VASP: variants seen among roughly 807,000 people sequenced by gnomAD.
The protein encoded by VASP is vasodilator-stimulated phosphoprotein.
A neutral mutation model predicts 54.4 loss-of-function variants in VASP; 27 were observed. That is an observed-to-expected ratio of 0.50 (90% CI 0.37 to 0.68). VASP has a LOEUF of 0.68. VASP is among the 30% of genes least tolerant of loss of function. VASP has a pLI of 0.00. For synonymous variants in VASP, 233 were observed against 209.8 expected, an observed-to-expected ratio of 1.11 and a Z score of -0.96; for missense variants, 488 against 528.3, an observed-to-expected ratio of 0.92 and a Z score of 0.75.
rs1968827125 is a variant in VASP at position 45,521,318 on chromosome 19, T to G, written c.344-4T>G. 1.3e-6 allele frequency: 2 copies of G among 1,571,732 alleles called. No homozygotes were observed. Among genetic ancestry groups the G allele is most frequent in the South Asian group, 2.3e-5 (2 of 85,590 alleles). ...TCCATGGCCCTTTCTCTCTCACCTT[T>G]CAGGAGGTGGGCCCCCTCCACCCCC... On this transcript the variant is annotated splice_polypyrimidine_tract_variant and splice_region_variant and intron_variant, in intron 3 of 12. Transcript: ENST00000245932.
At chr19:45,521,297 T>C (rs779198847) in intron 3 of VASP, 25 bp from the exon 4 acceptor site, 1 of 1,553,534 alleles carries the variant, frequency 6.4e-7, no homozygotes, top group Non-Finnish European at 8.7e-7. Context: ...GACTGATCCA[T>C]GGCCCTTTCT....
At position 45,524,571 on chromosome 19, in the gene VASP, A is replaced by G; in HGVS notation, c.958A>G (p.Met320Val). Reference protein sequence around the residue: ...WEKNSTTLPRMKSSSSVTTSE... With the variant: ...WEKNSTTLPRVKSSSSVTTSE... ...CCCAAACCACACCAACTCCCCCAGGATGAAGTCGTCTTCTTCGGTGACCAC... is the reference window on the plus strand; with the variant it reads ...CCCAAACCACACCAACTCCCCCAGGGTGAAGTCGTCTTCTTCGGTGACCAC... Residue 320 changes from methionine to valine, a missense_variant and splice_region_variant, in exon 11 of 13, where the codon ATG (methionine) becomes GTG (valine). Met to Val is a conservative substitution (Grantham distance 21, BLOSUM62 1). Transcript: ENST00000245932. 1.9e-6 allele frequency: 3 copies of G among 1,613,996 alleles called. No homozygotes were observed. Among genetic ancestry groups the G allele is most frequent in the Non-Finnish European group, 2.5e-6 (3 of 1,179,950 alleles).
chr19:45,518,034 A>C lies in VASP; in HGVS notation c.283A>C (p.Ser95Arg). 2 of 1,613,960 alleles carry C rather than the reference A, an allele frequency of 1.2e-6. No homozygotes were observed. Among genetic ancestry groups the C allele is most frequent in the Admixed American group, 3.3e-5 (2 of 60,032 alleles). ...CCAGGTCTGGGGCCTCAACTTCGGC[A>C]GCAAGGAGGATGCGGCCCAGTTTGC... The part of the protein sequence containing the change: ...ARQVWGLNFG[S>R]KEDAAQFAAG... Residue 95 changes from serine (S) to arginine (R), a missense_variant, in exon 3 of 13, where the codon AGC (serine) becomes CGC (arginine). Ser to Arg is a moderately radical substitution (Grantham distance 110, BLOSUM62 -1). This residue lies in a region of VASP where 127 missense variants were observed against 170.7 expected (regional missense o/e 0.74). Coordinates refer to ENST00000245932, the MANE Select transcript of VASP (RefSeq NM_003370.4).
chr19:45,509,454 G>A (rs1192798074), intron 1 of VASP, among the ~76,000 whole-genome samples: 1 of 152,016 alleles, frequency 6.6e-6, no homozygotes, highest in Non-Finnish European at 1.5e-5. Flanking sequence ...CCGAGTTAGT[G>A]CTGCCTCACT....
In VASP at chr19:45,507,652, G is replaced by A; in HGVS notation, c.-120G>A. 7.4e-7 allele frequency: 1 copy of A among 1,345,568 alleles called. No homozygotes were observed. Among genetic ancestry groups the A allele is most frequent in the Non-Finnish European group, 1.0e-6 (1 of 991,446 alleles). 83.4% of individuals were successfully genotyped at this position (1,345,568 alleles called of 1,614,324 possible). A position where few individuals can be genotyped will look rare whatever the true frequency, so the allele number is the denominator to read the frequency against. The stretch of plus-strand genomic sequence containing the variant: ...CTCCCCAGGAAGCCGGACTCTATGG[G>A]GCGGGACCCTGGGGGAGCCTGAGCC... On this transcript the variant is annotated 5_prime_UTR_variant, in exon 1 of 13. Transcript: ENST00000245932. This position sits in a 1 kb window ranked among gnomAD's most constrained non-coding sequence, Gnocchi z 4.4.
In VASP at chr19:45,507,628, TC is replaced by T; in HGVS notation, c.-140del. 2.8e-6 allele frequency: 3 copies of T among 1,061,306 alleles called. No homozygotes were observed. Among genetic ancestry groups the T allele is most frequent in the Non-Finnish European group, 3.9e-6 (3 of 762,824 alleles). 65.7% of individuals were successfully genotyped at this position (1,061,306 alleles called of 1,614,324 possible). ...ACCCGCCCCGGCCCGGTCCACATTC[TC>T]CCCAGGAAGCCGGACTCTATGGGGC... On this transcript the variant is annotated 5_prime_UTR_variant, in exon 1 of 13. Transcript: ENST00000245932. The surrounding 1 kb of genome is among the most constrained non-coding windows in gnomAD (Gnocchi z 4.4).
intron 4 of VASP, 112 bp downstream of exon 4, chr19:45,521,518 T>A (rs1438671536): frequency 6.2e-6 from 6 of 972,112 alleles, no homozygotes; most frequent in Non-Finnish European, 9.0e-6. Context: ...TTCAGAATGT[T>A]CAAGAAACTT....
intron 3 of VASP, among the ~76,000 whole-genome samples, chr19:45,520,576 G>A (rs1015566768): frequency 6.6e-6 from 1 of 152,226 alleles, no homozygotes; most frequent in Non-Finnish European, 1.5e-5. Context: ...TTCAATTCAG[G>A]TGCTAGGGCC....
At chr19:45,521,158 C>T (rs1968822518) in intron 3 of VASP, among the ~76,000 whole-genome samples, 164 bp from the exon 4 acceptor site, 1 of 152,236 alleles carries the variant, frequency 6.6e-6, no homozygotes, top group African/African-American at 2.4e-5. Flanking sequence ...GCTGCCTCAC[C>T]TCCCAATGTG....
intron 11 of VASP, 138 bp from the exon 12 acceptor site, chr19:45,525,808 G>A (rs932142051): frequency 1.3e-6 from 1 of 778,204 alleles, no homozygotes; most frequent in Non-Finnish European, 2.1e-6. Context: ...AGTTGAGGCT[G>A]CAATGAGCTG....
intron 11 of VASP, chr19:45,524,862 A>C: frequency 1.9e-6 from 1 of 521,860 alleles, no homozygotes; most frequent in Non-Finnish European, 3.5e-6. Flanking sequence ...TTAATCTATC[A>C]CCGCGCTCAT....
rs1968984218 is a variant in VASP, at chr19:45,526,909, C to T, written c.*732C>T. 1 of 152,042 alleles carries T rather than the reference C, an allele frequency of 6.6e-6. No homozygotes were observed. The highest frequency in any genetic ancestry group is 1.5e-5 in the Non-Finnish European group (1 of 68,006). The allele number at this position is 152,042 out of a possible 1,614,324, so 9.4% of individuals were successfully genotyped here. On this transcript the variant is annotated 3_prime_UTR_variant, in exon 13 of 13. Coordinates refer to ENST00000245932, the MANE Select transcript of VASP (RefSeq NM_003370.4). ...AGGGAGAAAGGAGAAGGGGAGGAAA[C>T]TTCTCCCCTCCCACCTTCACCTTTA...
At chr19:45,524,368 CCAG>C (rs2122345104) in intron 10 of VASP, 199 bp from the exon 11 acceptor site, 1 of 671,526 alleles carries the variant, frequency 1.5e-6, no homozygotes, top group African/African-American at 1.8e-5. Flanking sequence ...TGCCTGCACT[CCAG>C]CCTGAGAAAT....
At chr19:45,520,298 C>T (rs1196031130) in intron 3 of VASP, among the ~76,000 whole-genome samples, 2 of 152,300 alleles carry the variant, frequency 1.3e-5, no homozygotes, top group Non-Finnish European at 2.9e-5. Context: ...GACTGAGACT[C>T]CACATTCTCA....
At chr19:45,520,894 G>C (rs897138716) in intron 3 of VASP, among the ~76,000 whole-genome samples, 4 of 152,224 alleles carry the variant, frequency 2.6e-5, no homozygotes, top group African/African-American at 9.7e-5. Context: ...AACCCGGGAG[G>C]TGGAGGCTGT....
chr19:45,521,213 T>G (rs756907032), intron 3 of VASP, 109 bp from the exon 4 acceptor site: 65 of 1,115,378 alleles, frequency 5.8e-5, no homozygotes, highest in Non-Finnish European at 8.2e-5. Flanking sequence ...AAGGAGGAAG[T>G]GAGCGCCTCT....
chr19:45,514,381 TGTTA>T (rs1379158979), intron 1 of VASP, among the ~76,000 whole-genome samples: 1 of 146,196 alleles, frequency 6.8e-6, no homozygotes, highest in Non-Finnish European at 1.5e-5. Context: ...TGTAGGTTTT[TGTTA>T]GTTTGTTTTG....
At chr19:45,522,309 T>C (rs1009579437) in intron 5 of VASP, 31 bp from the exon 6 acceptor site, 1 of 1,613,018 alleles carries the variant, frequency 6.2e-7, no homozygotes, top group Non-Finnish European at 8.5e-7. Context: ...CTTCTCTCTC[T>C]CAGCTGCCCC....
At chr19:45,514,664 G>A (rs1165874179) in intron 1 of VASP, among the ~76,000 whole-genome samples, 3 of 152,232 alleles carry the variant, frequency 2.0e-5, no homozygotes, top group Non-Finnish European at 4.4e-5. Context: ...GCCTGGGAGA[G>A]CAAAGTGCAG....
Sources: gnomAD v4.1 joint callset for allele counts (sites outside exome capture counted in the v4.1 genomes callset) on GRCh38, gnomAD v4.1.1 for gene constraint, gnomAD v4.1.1 regional missense constraint, Gnocchi (gnomAD v3.1) non-coding constraint, MANE v1.5 for transcripts, NCBI Gene and HGNC (gene_info 2026-07-23, HGNC 2026-07-21) for gene names.